Variants in CLPB observed in about 807,000 individuals in gnomAD.
CLPB encodes ClpB family mitochondrial disaggregase, also known as mitochondrial disaggregase.
In CLPB, 40 loss-of-function variants were observed where a neutral mutation model predicts 78.4. The ratio of observed to expected loss-of-function variants is 0.51; its 90% CI spans 0.40 to 0.66. The LOEUF (loss-of-function observed/expected upper bound fraction) is 0.66, where lower values mean the gene tolerates loss of function less well. Ranked by LOEUF, CLPB falls within the 30% of genes least tolerant of loss-of-function variation. The pLI, the probability that CLPB is intolerant of heterozygous loss-of-function variation, is 0.00. For missense variants in CLPB, 780 were observed against 886.9 expected (o/e 0.88, Z 1.53); for synonymous variants, 333 against 348.0 (o/e 0.96, Z 0.48).
At chr11:72,401,566 A>C (rs1855562564) in intron 3 of CLPB, among the ~76,000 whole-genome samples, 1 of 152,176 alleles carries the variant, frequency 6.6e-6, no homozygotes, top group Non-Finnish European at 1.5e-5. Flanking sequence ...GAGAAGAGAG[A>C]CCTATCTCAT....
intron 6 of CLPB, among the ~76,000 whole-genome samples, chr11:72,329,158 T>G (rs989458586): frequency 1.1e-4 from 17 of 152,198 alleles, no homozygotes; most frequent in Non-Finnish European, 1.8e-4. Context: ...AGCCCTGTTT[T>G]CAGGAGTTCA....
chr11:72,316,104 G>A (rs1326530013), intron 7 of CLPB, among the ~76,000 whole-genome samples: 1 of 152,180 alleles, frequency 6.6e-6, no homozygotes, highest in East Asian at 1.9e-4. Context: ...ACAAATGGAG[G>A]TTAAAAAGCA....
intron 4 of CLPB, among the ~76,000 whole-genome samples, chr11:72,369,429 C>T (rs1469478650): frequency 1.3e-5 from 2 of 152,060 alleles, no homozygotes; most frequent in Non-Finnish European, 2.9e-5. Context: ...CCCCCACCCC[C>T]ATCCTATCCA....
chr11:72,302,495 T>C (rs1373645256), intron 9 of CLPB, 147 bp from the exon 10 acceptor site: 3 of 707,044 alleles, frequency 4.2e-6, no homozygotes. Flanking sequence ...TGTTTTTTTC[T>C]GACTTCCTGT....
In CLPB at chr11:72,417,825, C is replaced by T. The variant is rs576530025; in HGVS notation, c.455+12487G>A. 1.1e-4 allele frequency among the ~76,000 whole-genome samples: 17 copies of T among 152,250 alleles called. No individual in the cohort carries two copies. The East Asian group carries it at 2.3e-3, about 21-fold the overall frequency. On this transcript the variant is annotated intron_variant, in intron 2 of 15. Coordinates refer to ENST00000538039, the MANE Select transcript of CLPB (RefSeq NM_001258392.3). ...CCATCTAGGGGTTGTGACTGAGCCCCTGATGTGTCCTGGGAAGGATCCTGC... is the reference window on the plus strand; with the variant it reads ...CCATCTAGGGGTTGTGACTGAGCCCTTGATGTGTCCTGGGAAGGATCCTGC...
intron 7 of CLPB, among the ~76,000 whole-genome samples, chr11:72,310,237 G>T (rs1474251846): frequency 4.6e-5 from 7 of 152,172 alleles, no homozygotes; most frequent in Admixed American, 2.6e-4. Flanking sequence ...GGCCTCAGTA[G>T]AAACAGATGG....
At chr11:72,325,124 G>A (rs1485707128) in intron 6 of CLPB, among the ~76,000 whole-genome samples, 3 of 152,036 alleles carry the variant, frequency 2.0e-5, no homozygotes, top group Non-Finnish European at 4.4e-5. Context: ...TATTCATCAT[G>A]GGATAGCTCC....
At chr11:72,401,523 A>G (rs373538321) in intron 3 of CLPB, among the ~76,000 whole-genome samples, 3 of 152,226 alleles carry the variant, frequency 2.0e-5, no homozygotes, top group Admixed American at 6.5e-5. Flanking sequence ...CAGGAAACCG[A>G]GTGACTAAGA....
intron 2 of CLPB, among the ~76,000 whole-genome samples, chr11:72,429,368 G>A (rs1856478402): frequency 6.6e-6 from 1 of 152,170 alleles, no homozygotes; most frequent in South Asian, 2.1e-4. Flanking sequence ...GGGAATCAAA[G>A]CAGTAAGTCT....
At chr11:72,378,708 A>C (rs1001835600) in intron 4 of CLPB, among the ~76,000 whole-genome samples, 4 of 152,216 alleles carry the variant, frequency 2.6e-5, no homozygotes, top group Non-Finnish European at 5.9e-5. Flanking sequence ...GAGTCCCCAC[A>C]TATCAGGCTG....
At chr11:72,390,453 G>GAAAAAAAAAAAAAGAAAAAAA (rs1565480278) in intron 3 of CLPB, among the ~76,000 whole-genome samples, 1 of 69,600 alleles carries the variant, frequency 1.4e-5, no homozygotes, top group Admixed American at 1.5e-4. Flanking sequence ...AAACGAAATA[G>GAAAAAAAAAAAAAGAAAAAAA]AAAAAAAAAA....
chr11:72,293,928 A>C, intron 15 of CLPB, 94 bp downstream of exon 15: 1 of 1,076,254 alleles, frequency 9.3e-7, no homozygotes, highest in Non-Finnish European at 1.4e-6. Context: ...CAACCAAGCT[A>C]TAGGGAGGCA....
At chr11:72,394,453 C>T (rs1284923653) in intron 3 of CLPB, among the ~76,000 whole-genome samples, 2 of 152,296 alleles carry the variant, frequency 1.3e-5, no homozygotes, top group Admixed American at 1.3e-4. Context: ...GCTCTCCTAT[C>T]CCCAACTGCC....
At chr11:72,295,739 TCCCCA>T in intron 11 of CLPB, 91 bp from the exon 12 acceptor site, 4 of 1,274,252 alleles carry the variant, frequency 3.1e-6, no homozygotes, top group Non-Finnish European at 4.4e-6. Flanking sequence ...TCAGGAGGCC[TCCCCA>T]GAGCCCTGTG....
At chr11:72,305,728 C>T (rs147505973) in intron 9 of CLPB, among the ~76,000 whole-genome samples, 1 of 152,300 alleles carries the variant, frequency 6.6e-6, no homozygotes, top group East Asian at 1.9e-4. Context: ...GTGAATTTGT[C>T]TCCCATTCAG....
At chr11:72,391,020 G>T (rs1855239743) in intron 3 of CLPB, among the ~76,000 whole-genome samples, 1 of 152,168 alleles carries the variant, frequency 6.6e-6, no homozygotes, top group Admixed American at 6.5e-5. Flanking sequence ...AACATAGATG[G>T]ATGATTTTTT....
intron 7 of CLPB, among the ~76,000 whole-genome samples, chr11:72,309,029 C>G (rs1949796043): frequency 6.6e-6 from 1 of 152,204 alleles, no homozygotes; most frequent in Admixed American, 6.5e-5. Flanking sequence ...AAGCCCATGG[C>G]AGGCCCTTGG....
chr11:72,354,592 C>T (rs1264973266), intron 5 of CLPB: 5 of 357,480 alleles, frequency 1.4e-5, no homozygotes, highest in African/African-American at 2.1e-5. Flanking sequence ...ACTGCCTCTT[C>T]CCCACCTTCC....
At chr11:72,353,375 A>C (rs1314512990) in intron 5 of CLPB, among the ~76,000 whole-genome samples, 1 of 152,300 alleles carries the variant, frequency 6.6e-6, no homozygotes, top group East Asian at 1.9e-4. Flanking sequence ...ACTGAAAAGG[A>C]AGTGGCATTA....
Sources: allele counts gnomAD v4.1 joint callset (sites outside exome capture counted in the v4.1 genomes callset), GRCh38; gene constraint gnomAD v4.1.1; transcripts MANE v1.5; gene names NCBI Gene and HGNC (gene_info 2026-07-23, HGNC 2026-07-21).